Variants in NUDT3 observed in about 807,000 individuals in gnomAD.
The protein encoded by NUDT3 is diphosphoinositol polyphosphate phosphohydrolase 1.
NUDT3 carries 9 observed loss-of-function variants against 23.6 expected under a neutral mutation model. The ratio of observed to expected loss-of-function variants is 0.38; its 90% CI spans 0.23 to 0.66. NUDT3 has a LOEUF of 0.66. NUDT3 is among the 30% of genes least tolerant of loss of function. NUDT3 has a pLI of 0.52. For missense variants in NUDT3, 172 were observed against 218.5 expected, an observed-to-expected ratio of 0.79 and a Z score of 1.34; for synonymous variants, 86 against 82.6, an observed-to-expected ratio of 1.04 and a Z score of -0.22.
At chr6:34,361,396 G>A (rs984167075) in intron 1 of NUDT3, among the ~76,000 whole-genome samples, 4 of 152,156 alleles carry the variant, frequency 2.6e-5, no homozygotes, top group Non-Finnish European at 5.9e-5. Flanking sequence ...TGGGGATGTG[G>A]AGCAACAGAA....
At chr6:34,307,756 C>T in intron 2 of NUDT3, among the ~76,000 whole-genome samples, 1 of 152,064 alleles carries the variant, frequency 6.6e-6, no homozygotes, top group East Asian at 1.9e-4. Flanking sequence ...GGGCAATGGA[C>T]AGAAAGCTAT....
At chr6:34,354,247 G>A (rs1199314566) in intron 1 of NUDT3, among the ~76,000 whole-genome samples, 2 of 151,844 alleles carry the variant, frequency 1.3e-5, no homozygotes, top group Non-Finnish European at 2.9e-5. Flanking sequence ...CTGGACTCAC[G>A]GGATCCACCC....
Position 34,280,471 on chromosome 6 carries a change from G to C in NUDT3, c.*8282C>G, listed in dbSNP as rs1402007324. On this transcript the variant is annotated 3_prime_UTR_variant, in exon 5 of 5. Transcript: ENST00000607016. The stretch of plus-strand genomic sequence containing the variant: ...GCTCCTTGTTTTATAACCCGCACAA[G>C]GTGCCAAGAGGTTTAAGGACCACAA... 6.6e-6 allele frequency: 1 copy of C among 151,722 alleles called. No individual in the cohort carries two copies. Among genetic ancestry groups the C allele is most frequent in the Non-Finnish European group, 1.5e-5 (1 of 67,926 alleles). 9.4% of individuals were successfully genotyped at this position (151,722 alleles called of 1,614,324 possible).
chr6:34,389,643 G>C (rs909518037), intron 1 of NUDT3, among the ~76,000 whole-genome samples: 1 of 151,950 alleles, frequency 6.6e-6, no homozygotes, highest in African/African-American at 2.4e-5. Flanking sequence ...GGGTGACACA[G>C]TAAGACCCTG....
Position 34,283,158 on chromosome 6 carries a change from G to C in NUDT3, c.*5595C>G, listed in dbSNP as rs1483579832. 2.0e-5 allele frequency: 3 copies of C among 150,762 alleles called. No individual in the cohort carries two copies. Among genetic ancestry groups the C allele is most frequent in the Admixed American group, 2.0e-4 (3 of 15,144 alleles). The allele number at this position is 150,762 out of a possible 1,614,324, so 9.3% of individuals were successfully genotyped here. A position where few individuals can be genotyped will look rare whatever the true frequency, so the allele number is the denominator to read the frequency against. ...CATGTGACTGCTAGCCTCAGCTCAA[G>C]TAGTGTGCCCAAATCATCACAAAAT... On this transcript the variant is annotated 3_prime_UTR_variant, in exon 5 of 5. Coordinates refer to ENST00000607016, the MANE Select transcript of NUDT3 (RefSeq NM_006703.4).
At chr6:34,374,156 C>CAAA (rs397888346) in intron 1 of NUDT3, among the ~76,000 whole-genome samples, 4 of 64,694 alleles carry the variant, frequency 6.2e-5, no homozygotes, top group African/African-American at 1.1e-4. Flanking sequence ...GGCTCCCTCT[C>CAAA]AAAAAAAAAA....
At chr6:34,307,651 G>A (rs1763702223) in intron 2 of NUDT3, among the ~76,000 whole-genome samples, 1 of 151,956 alleles carries the variant, frequency 6.6e-6, no homozygotes, top group African/African-American at 2.4e-5. Flanking sequence ...TAAAATGAAG[G>A]ATAAGAACAA....
At chr6:34,318,595 G>A (rs890704609) in intron 2 of NUDT3, among the ~76,000 whole-genome samples, 35 of 152,122 alleles carry the variant, frequency 2.3e-4, no homozygotes, top group African/African-American at 8.2e-4. Flanking sequence ...TAAACTGCTG[G>A]ATGGTAATAA....
intron 1 of NUDT3, among the ~76,000 whole-genome samples, chr6:34,380,372 AGAAAGGATC>A (rs2113767014): frequency 6.6e-6 from 1 of 152,016 alleles, no homozygotes; most frequent in Non-Finnish European, 1.5e-5. Flanking sequence ...TTTTTTTAAG[AGAAAGGATC>A]TTGCTCTGTC....
chr6:34,387,499 AAAT>A (rs1765125283), intron 1 of NUDT3, among the ~76,000 whole-genome samples: 1 of 152,202 alleles, frequency 6.6e-6, no homozygotes, highest in Non-Finnish European at 1.5e-5. Context: ...AACAAATACT[AAAT>A]AATATTTTTA....
chr6:34,372,812 T>C lies in NUDT3; in HGVS notation c.99+19452A>G, dbSNP rs114268758. Among the ~76,000 whole-genome samples the C allele has an allele frequency of 6.0e-3, 902 of 151,452 alleles. 6 individuals are homozygous for C. Among genetic ancestry groups the C allele is most frequent in the African/African-American group, 0.016 (644 of 41,274 alleles). Reference sequence around the variant, plus strand: ...AGAGCAAAACTCCATCTTTAAAAAATATATATATATACTTTGTGAGATTGG... The same window carrying C: ...AGAGCAAAACTCCATCTTTAAAAAACATATATATATACTTTGTGAGATTGG... On this transcript the variant is annotated intron_variant, in intron 1 of 4. Coordinates refer to ENST00000607016, the MANE Select transcript of NUDT3 (RefSeq NM_006703.4).
chr6:34,335,111 A>T (rs527617146), intron 2 of NUDT3, among the ~76,000 whole-genome samples: 1 of 152,324 alleles, frequency 6.6e-6, no homozygotes, highest in African/African-American at 2.4e-5. Flanking sequence ...ACAGACTGCA[A>T]TGGAAACATA....
At chr6:34,319,171 T>C (rs1763903928) in intron 2 of NUDT3, among the ~76,000 whole-genome samples, 1 of 152,122 alleles carries the variant, frequency 6.6e-6, no homozygotes, top group South Asian at 2.1e-4. Context: ...TGTGGAGGTT[T>C]TCCTCTCCCA....
intron 1 of NUDT3, among the ~76,000 whole-genome samples, chr6:34,351,226 A>AAACAAAAAAAAAAAAAAC (rs1554154786): frequency 2.2e-5 from 3 of 133,976 alleles, no homozygotes; most frequent in African/African-American, 9.4e-5. Context: ...AAAAAAAAAA[A>AAACAAAAAAAAAAAAAAC]CACTTTGGGA....
chr6:34,298,424 C>T (rs954557551), intron 2 of NUDT3, among the ~76,000 whole-genome samples: 6 of 151,504 alleles, frequency 4.0e-5, no homozygotes, highest in East Asian at 1.9e-4. Context: ...CCTCTGCTTT[C>T]GACACCAACA....
chr6:34,328,989 T>C (rs1764084852), intron 2 of NUDT3, among the ~76,000 whole-genome samples: 1 of 152,200 alleles, frequency 6.6e-6, no homozygotes, highest in South Asian at 2.1e-4. Flanking sequence ...ACAGTCATAC[T>C]GTGCCTTCAC....
At chr6:34,320,732 A>C (rs956296966) in intron 2 of NUDT3, among the ~76,000 whole-genome samples, 1 of 152,144 alleles carries the variant, frequency 6.6e-6, no homozygotes. Flanking sequence ...GCTACTCAGG[A>C]GGCTGAGGTG....
In NUDT3 at chr6:34,376,556, C is replaced by T. The variant is rs557262297; in HGVS notation, c.99+15708G>A. ...CCTCCCAAAGTGCTGGGATTACAGG[C>T]GTGAGCCACCATGCATGGTCTCCTT... On this transcript the variant is annotated intron_variant, in intron 1 of 4. Coordinates refer to ENST00000607016, the MANE Select transcript of NUDT3 (RefSeq NM_006703.4). Among the ~76,000 whole-genome samples, 72 of 152,290 alleles carry T rather than the reference C, an allele frequency of 4.7e-4. 1 individual carries two copies. Among genetic ancestry groups the T allele is most frequent in the East Asian group, 7.7e-4 (4 of 5,186 alleles).
chr6:34,348,787 A>T (rs752739492), intron 1 of NUDT3, among the ~76,000 whole-genome samples: 1 of 151,242 alleles, frequency 6.6e-6, no homozygotes, highest in African/African-American at 2.4e-5. Flanking sequence ...AAAAAAAAAT[A>T]GAAAGAAACA....
Sources: allele counts gnomAD v4.1 joint callset (sites outside exome capture counted in the v4.1 genomes callset), GRCh38; gene constraint gnomAD v4.1.1; transcripts MANE v1.5; gene names NCBI Gene and HGNC (gene_info 2026-07-23, HGNC 2026-07-21).